IL6ST: variants seen among roughly 807,000 people sequenced by gnomAD.
The protein encoded by IL6ST is interleukin 6 cytokine family signal transducer, also known as interleukin-6 receptor subunit beta.
Under a neutral mutation model 91.3 loss-of-function variants are expected in IL6ST, and 24 were observed. That is an observed-to-expected ratio of 0.26 (90% CI 0.19 to 0.37). The LOEUF (loss-of-function observed/expected upper bound fraction) is 0.37, where lower values mean the gene tolerates loss of function less well. Ranked by LOEUF, IL6ST falls within the 10% of genes least tolerant of loss-of-function variation. The pLI is 1.00. For missense variants in IL6ST, 914 were observed against 1,078.5 expected, an observed-to-expected ratio of 0.85 and a Z score of 2.14; for synonymous variants, 351 against 373.6, an observed-to-expected ratio of 0.94 and a Z score of 0.70.
At chr5:55,981,592 A>G (rs1376399177) in intron 2 of IL6ST, among the ~76,000 whole-genome samples, 3 of 152,110 alleles carry the variant, frequency 2.0e-5, no homozygotes, top group Non-Finnish European at 4.4e-5. Context: ...GCAGCGAGCC[A>G]AGATCGTGCC....
At position 55,951,543 on chromosome 5, in the gene IL6ST, C is replaced by A; in HGVS notation, c.1761G>T (p.Leu587Phe). The part of the protein sequence containing the change: ...YTLSSLTSDT[L>F]YMVRMAAYTD... The stretch of plus-strand genomic sequence containing the variant: ...TGTATGCTGCCATTCGTACCATGTA[C>A]AATGTGTCACTAGTCAAAGAGGACA... The change falls in exon 14 of 17, where the codon TTG becomes TTT. Residue 587 changes from leucine (L) to phenylalanine (F), a missense_variant. Transcript: ENST00000381298. 1 of 1,610,906 alleles carries A rather than the reference C, an allele frequency of 6.2e-7. No homozygotes were observed. The highest frequency in any genetic ancestry group is 8.5e-7 in the Non-Finnish European group (1 of 1,177,136).
rs1289215621 is a variant in IL6ST at position 55,940,303 on chromosome 5, T to A, written c.*779A>T. 1 of 212,936 alleles carries A rather than the reference T, an allele frequency of 4.7e-6. No homozygotes were observed. The highest frequency in any genetic ancestry group is 9.5e-6 in the Non-Finnish European group (1 of 105,160). The allele number at this position is 212,936 out of a possible 1,614,324, so 13.2% of individuals were successfully genotyped here. A position where few individuals can be genotyped will look rare whatever the true frequency, so the allele number is the denominator to read the frequency against. On this transcript the variant is annotated 3_prime_UTR_variant, in exon 17 of 17. Coordinates refer to ENST00000381298, the MANE Select transcript of IL6ST (RefSeq NM_002184.4). ...CAATTTTTTAGATGCTTGAGATAGT[T>A]TGGGGGATCCCTAGCTCTTATCATG...
chr5:55,978,598 C>T (rs1358303568), intron 2 of IL6ST, among the ~76,000 whole-genome samples: 1 of 152,134 alleles, frequency 6.6e-6, no homozygotes, highest in Non-Finnish European at 1.5e-5. Context: ...TGGTGGCGGC[C>T]GCCTGTAATC....
intron 1 of IL6ST, among the ~76,000 whole-genome samples, chr5:55,992,761 C>A (rs1434314793): frequency 1.3e-5 from 2 of 152,132 alleles, no homozygotes; most frequent in Non-Finnish European, 2.9e-5. Flanking sequence ...TCTGGTAAAT[C>A]CTTTGCTCAT....
chr5:55,979,925 T>C (rs1162481776), intron 2 of IL6ST, among the ~76,000 whole-genome samples: 1 of 152,214 alleles, frequency 6.6e-6, no homozygotes, highest in African/African-American at 2.4e-5. Flanking sequence ...CATGTAAATG[T>C]AAATACTTGT....
At chr5:55,960,670 C>A in intron 7 of IL6ST, 109 bp from the exon 8 acceptor site, 1 of 1,001,090 alleles carries the variant, frequency 1.0e-6, no homozygotes, top group Non-Finnish European at 1.4e-6. Context: ...CTCTGTTGCC[C>A]AGGTTGGAGT....
intron 3 of IL6ST, among the ~76,000 whole-genome samples, chr5:55,973,787 C>G (rs1350812039): frequency 6.6e-6 from 1 of 152,112 alleles, no homozygotes; most frequent in Non-Finnish European, 1.5e-5. Context: ...CTAATGCAGT[C>G]CTGTTATTTT....
At chr5:55,947,392 A>C in intron 15 of IL6ST, 101 bp downstream of exon 15, 4 of 708,954 alleles carry the variant, frequency 5.6e-6, no homozygotes, top group Non-Finnish European at 1.0e-5. Context: ...AATTACAAAA[A>C]TTCATCAAAC....
At position 55,940,102 on chromosome 5, in the gene IL6ST, A is replaced by C. The variant is rs1367508728; in HGVS notation, c.*980T>G. On this transcript the variant is annotated 3_prime_UTR_variant, in exon 17 of 17. Transcript: ENST00000381298. The stretch of plus-strand genomic sequence containing the variant: ...AAGTGTTCATCTACCCAGTACTCTG[A>C]AGTCTTAAGAAAAGTCAATGATATG... 1 of 198,784 alleles carries C rather than the reference A, an allele frequency of 5.0e-6. No homozygotes were observed. The highest frequency in any genetic ancestry group is 1.0e-5 in the Non-Finnish European group (1 of 96,258). The allele number at this position is 198,784 out of a possible 1,614,324, so 12.3% of individuals were successfully genotyped here.
intron 2 of IL6ST, among the ~76,000 whole-genome samples, chr5:55,977,985 C>T (rs1265586000): frequency 6.6e-6 from 1 of 150,440 alleles, no homozygotes; most frequent in South Asian, 2.1e-4. Context: ...GGCAACAAAG[C>T]GAAATTCTAT....
At chr5:55,982,288 A>G (rs1158488886) in intron 2 of IL6ST, among the ~76,000 whole-genome samples, 1 of 152,156 alleles carries the variant, frequency 6.6e-6, no homozygotes, top group Non-Finnish European at 1.5e-5. Flanking sequence ...GTCAATATAA[A>G]CTTTGTTACT....
At chr5:55,985,476 G>A (rs1446053358) in intron 1 of IL6ST, among the ~76,000 whole-genome samples, 1 of 150,502 alleles carries the variant, frequency 6.6e-6, no homozygotes, top group Non-Finnish European at 1.5e-5. Context: ...AGCAGAGATA[G>A]CACCACTGCA....
rs1425016730 is a variant in IL6ST, at chr5:55,938,796, A to C, written c.*2286T>G. 4.9e-6 allele frequency: 1 copy of C among 202,786 alleles called. No homozygotes were observed. Among genetic ancestry groups the C allele is most frequent in the Admixed American group, 6.0e-5 (1 of 16,734 alleles). 12.6% of individuals were successfully genotyped at this position (202,786 alleles called of 1,614,324 possible). A position where few individuals can be genotyped will look rare whatever the true frequency, so the allele number is the denominator to read the frequency against. On this transcript the variant is annotated 3_prime_UTR_variant, in exon 17 of 17. Transcript: ENST00000381298. Reference sequence around the variant, plus strand: ...TCTCCTTAGGGCAGGTGTACATTACATATTAGTGCTCAAATATATGTTCAT... The same window carrying C: ...TCTCCTTAGGGCAGGTGTACATTACCTATTAGTGCTCAAATATATGTTCAT...
chr5:55,948,230 C>A (rs561340276), intron 14 of IL6ST, among the ~76,000 whole-genome samples: 1 of 152,244 alleles, frequency 6.6e-6, no homozygotes, highest in Non-Finnish European at 1.5e-5. Flanking sequence ...AAATACCACA[C>A]AAATCCTCAT....
rs758268282 is a variant in IL6ST, at chr5:55,941,830, GA to G, written c.2020-12del. On this transcript the variant is annotated splice_polypyrimidine_tract_variant and intron_variant, in intron 16 of 16. Coordinates refer to ENST00000381298, the MANE Select transcript of IL6ST (RefSeq NM_002184.4). ...TGAATTAAAATTGTGCTAAGGAAGA[GA>G]AAAAATTGTATATGGCAAGTATTAG... 1.9e-6 allele frequency: 3 copies of G among 1,593,892 alleles called. No individual in the cohort carries two copies. The highest frequency in any genetic ancestry group is 2.6e-6 in the Non-Finnish European group (3 of 1,171,316).
At chr5:55,968,902 G>A (rs1253564030) in intron 4 of IL6ST, among the ~76,000 whole-genome samples, 1 of 152,042 alleles carries the variant, frequency 6.6e-6, no homozygotes, top group African/African-American at 2.4e-5. Context: ...TGTTTACTTT[G>A]TTACTCCAAG....
chr5:55,960,013 GTAGCTGGGACTACAGGC>G (rs1315188933), intron 8 of IL6ST, among the ~76,000 whole-genome samples: 3 of 151,884 alleles, frequency 2.0e-5, no homozygotes, highest in African/African-American at 7.3e-5. Flanking sequence ...AGCCTCCCGA[GTAGCTGGGACTACAGGC>G]GCCCACCACC....
In IL6ST at chr5:55,940,807, A is replaced by C. The variant is rs1442322844; in HGVS notation, c.*275T>G. The C allele has an allele frequency of 5.3e-6, 2 of 377,074 alleles. No homozygotes were observed. The highest frequency in any genetic ancestry group is 4.1e-5 in the East Asian group (1 of 24,286). The allele number at this position is 377,074 out of a possible 1,614,324, so 23.4% of individuals were successfully genotyped here. A position where few individuals can be genotyped will look rare whatever the true frequency, so the allele number is the denominator to read the frequency against. ...ACAAAAAGTTTTATAAATTTCAGAT[A>C]AGCTTTCTGTTTTTCTTCAGTGCAA... On this transcript the variant is annotated 3_prime_UTR_variant, in exon 17 of 17. Coordinates refer to ENST00000381298, the MANE Select transcript of IL6ST (RefSeq NM_002184.4).
chr5:55,952,918 G>A (rs1235142114), intron 11 of IL6ST, among the ~76,000 whole-genome samples: 1 of 152,008 alleles, frequency 6.6e-6, no homozygotes, highest in Non-Finnish European at 1.5e-5. Flanking sequence ...AAAATTAGCT[G>A]GGCATGGTGG....
Sources: allele counts gnomAD v4.1 joint callset (sites outside exome capture counted in the v4.1 genomes callset), GRCh38; gene constraint gnomAD v4.1.1; transcripts MANE v1.5; gene names NCBI Gene and HGNC (gene_info 2026-07-23, HGNC 2026-07-21).